Variants in UST observed in about 807,000 individuals in gnomAD.
The protein encoded by UST is chondroitin sulfate 2-O-sulfotransferase.
UST carries 21 observed loss-of-function variants against 45.6 expected under a neutral mutation model. That is an observed-to-expected ratio of 0.46 (90% CI 0.33 to 0.66). The LOEUF (loss-of-function observed/expected upper bound fraction) is 0.66. Among genes scored for constraint, UST ranks in the 30% least tolerant of loss-of-function variants. The pLI, the probability that UST is intolerant of heterozygous loss-of-function variation, is 0.02. For synonymous variants in UST, 215 were observed against 200.6 expected (o/e 1.07, Z -0.61); for missense variants, 463 against 512.4 (o/e 0.90, Z 0.93).
rs1172538648 is a variant in UST at position 149,010,895 on chromosome 6, CA to C, written c.682-8220del. On this transcript the variant is annotated intron_variant, in intron 5 of 7. Transcript: ENST00000367463. ...AGACAGAGCAAGACTCCGTCTCAAC[CA>C]AAAAAAAAAAAAAAAAAAAAAAACT... is the stretch of plus-strand genomic sequence containing the variant. Among the ~76,000 whole-genome samples, 39 of 65,610 alleles carry C rather than the reference CA, an allele frequency of 5.9e-4. 1 individual carries two copies. Among genetic ancestry groups the C allele is most frequent in the African/African-American group, 1.5e-3 (22 of 15,130 alleles). 43.0% of individuals were successfully genotyped at this position (65,610 alleles called of 152,430 possible).
intron 3 of UST, among the ~76,000 whole-genome samples, chr6:148,943,788 A>T (rs1780178748): frequency 6.6e-6 from 1 of 152,190 alleles, no homozygotes; most frequent in Admixed American, 6.5e-5. Context: ...TAACTTCATT[A>T]TTCCAGATTT....
At chr6:148,837,550 A>C (rs560243945) in intron 1 of UST, among the ~76,000 whole-genome samples, 4 of 152,302 alleles carry the variant, frequency 2.6e-5, no homozygotes, top group African/African-American at 9.6e-5. Context: ...TTAGCATTGA[A>C]CTCATTGTTG....
At chr6:148,925,449 AAAG>A (rs1167541282) in intron 2 of UST, among the ~76,000 whole-genome samples, 20 of 152,262 alleles carry the variant, frequency 1.3e-4, no homozygotes, top group African/African-American at 4.8e-4. Context: ...AAAAAAAAAG[AAAG>A]AAGAAAAAGA....
intron 2 of UST, among the ~76,000 whole-genome samples, chr6:148,887,297 C>T (rs940968208): frequency 3.3e-5 from 5 of 152,268 alleles, no homozygotes; most frequent in African/African-American, 1.2e-4. Context: ...CTGGCAGCTT[C>T]TCCTGTTTGC....
intron 1 of UST, among the ~76,000 whole-genome samples, chr6:148,799,304 G>T (rs1342606758): frequency 6.6e-6 from 1 of 152,202 alleles, no homozygotes; most frequent in Non-Finnish European, 1.5e-5. Context: ...GGCGTGGGAT[G>T]GGGGAGTTAT....
chr6:148,891,205 G>A (rs1779011903), intron 2 of UST, among the ~76,000 whole-genome samples: 1 of 152,196 alleles, frequency 6.6e-6, no homozygotes, highest in African/African-American at 2.4e-5. Flanking sequence ...ATCATGTGCA[G>A]TGTCCACAGA....
At chr6:148,799,418 T>C (rs1777012945) in intron 1 of UST, among the ~76,000 whole-genome samples, 4 of 152,152 alleles carry the variant, frequency 2.6e-5, no homozygotes, top group Non-Finnish European at 5.9e-5. Context: ...GCAAGGTTTT[T>C]GGCCCAAAGT....
At chr6:148,880,902 G>A (rs931192714) in intron 1 of UST, among the ~76,000 whole-genome samples, 6 of 151,978 alleles carry the variant, frequency 3.9e-5, no homozygotes, top group African/African-American at 7.3e-5. Context: ...GGTGGTGGGC[G>A]CCTGTAATCC....
rs115976270 is a variant in UST at position 148,840,857 on chromosome 6, G to A, written c.248-46129G>A. Among the ~76,000 whole-genome samples the A allele has an allele frequency of 9.2e-3, 1,407 of 152,204 alleles. 18 individuals are homozygous for A. The highest frequency in any genetic ancestry group is 0.032 in the African/African-American group (1,315 of 41,520). On this transcript the variant is annotated intron_variant, in intron 1 of 7. Coordinates refer to ENST00000367463, the MANE Select transcript of UST (RefSeq NM_005715.3). ...GGAGCCCCAGCAGCTGGACACCCGG[G>A]TGCTCAGTCTTCCACTGCGTTCACT...
chr6:148,877,913 C>A (rs534064026), intron 1 of UST, among the ~76,000 whole-genome samples: 3 of 34,430 alleles, frequency 8.7e-5, no homozygotes, highest in Admixed American at 4.8e-4. Context: ...TGTACGAGTG[C>A]GGAGATTGTG....
At chr6:148,899,092 C>CTTTTTTTTT (rs3075093) in intron 2 of UST, among the ~76,000 whole-genome samples, 4 of 65,580 alleles carry the variant, frequency 6.1e-5, no homozygotes, top group African/African-American at 1.8e-4. Flanking sequence ...CTACCTAATC[C>CTTTTTTTTT]TTTTTTTTTT....
At chr6:148,872,091 T>C (rs1196428041) in intron 1 of UST, among the ~76,000 whole-genome samples, 2 of 152,228 alleles carry the variant, frequency 1.3e-5, no homozygotes, top group Admixed American at 6.5e-5. Flanking sequence ...TGAAATGTAC[T>C]GACTCGTAAC....
At chr6:148,858,539 G>A (rs1283441144) in intron 1 of UST, among the ~76,000 whole-genome samples, 2 of 150,460 alleles carry the variant, frequency 1.3e-5, no homozygotes, top group Non-Finnish European at 2.9e-5. Context: ...GGGTACATGT[G>A]CACAATGTGC....
intron 5 of UST, among the ~76,000 whole-genome samples, chr6:148,980,106 G>A (rs562682816): frequency 3.9e-5 from 6 of 152,078 alleles, no homozygotes; most frequent in South Asian, 4.1e-4. Context: ...TTGGGTATCC[G>A]ATAAGAGTTT....
At chr6:148,963,443 C>A (rs1408271655) in intron 4 of UST, among the ~76,000 whole-genome samples, 1 of 152,170 alleles carries the variant, frequency 6.6e-6, no homozygotes, top group Non-Finnish European at 1.5e-5. Context: ...AAGAAGGAAT[C>A]ATTAAGAGAA....
intron 3 of UST, among the ~76,000 whole-genome samples, chr6:148,949,418 ATAATAATAATAATAATAT>A (rs1487068434): frequency 3.1e-4 from 36 of 115,778 alleles, no homozygotes; most frequent in South Asian, 1.4e-3. Flanking sequence ...AATAATAATA[ATAATAATAATAATAATAT>A]TACTTATTCA....
At chr6:148,860,562 C>G in intron 1 of UST, among the ~76,000 whole-genome samples, 1 of 152,166 alleles carries the variant, frequency 6.6e-6, no homozygotes, top group East Asian at 1.9e-4. Flanking sequence ...GAGGGCATCC[C>G]TGTCTTGTGC....
intron 5 of UST, among the ~76,000 whole-genome samples, chr6:148,991,942 G>A (rs1781361590): frequency 6.6e-6 from 1 of 152,172 alleles, no homozygotes; most frequent in South Asian, 2.1e-4. Flanking sequence ...GTACTCAGGG[G>A]TTGACGTTTA....
At chr6:148,788,600 C>T (rs1453394521) in intron 1 of UST, among the ~76,000 whole-genome samples, 1 of 152,060 alleles carries the variant, frequency 6.6e-6, no homozygotes, top group Non-Finnish European at 1.5e-5. Context: ...TCTGACACAT[C>T]CAATCTGCGT....
Sources: allele counts gnomAD v4.1 joint callset (sites outside exome capture counted in the v4.1 genomes callset), GRCh38; gene constraint gnomAD v4.1.1; transcripts MANE v1.5; gene names NCBI Gene and HGNC (gene_info 2026-07-23, HGNC 2026-07-21).